SLC35F4: variants seen among roughly 807,000 people sequenced by gnomAD.
The protein encoded by SLC35F4 is solute carrier family 35 member F4, also known as chromosome 14 open reading frame 36.
In SLC35F4, 24 loss-of-function variants were observed where a neutral mutation model predicts 44.2. That is an observed-to-expected ratio of 0.54 (90% confidence interval 0.39 to 0.76). SLC35F4 has a LOEUF of 0.76. Ranked by LOEUF, SLC35F4 falls within the 30% of genes least tolerant of loss-of-function variation. The pLI, the probability that SLC35F4 is intolerant of heterozygous loss-of-function variation, is 0.00. For synonymous variants in SLC35F4, 238 were observed against 223.6 expected (o/e 1.06, Z -0.57); for missense variants, 562 against 586.1 (o/e 0.96, Z 0.42).
chr14:57,589,406 A>G lies in SLC35F4; in HGVS notation c.397T>C (p.Leu133=). The G allele has an allele frequency of 6.2e-7, 1 of 1,614,044 alleles. No individual in the cohort carries two copies. ...GATGATGATACTGACAAGATGATCA[A>G]GAGTCCCCAGATGCCCTTCAGAACC... ...SMVLKGIWGL[L]IILSVSSSWV... is the part of the protein sequence containing the mutation. Residue 133 remains leucine (L), a synonymous_variant, in exon 3 of 8, where the codon TTG becomes CTG. Transcript: ENST00000556826.
At chr14:57,723,541 A>G (rs1433998087) in intron 1 of SLC35F4, among the ~76,000 whole-genome samples, 1 of 152,202 alleles carries the variant, frequency 6.6e-6, no homozygotes, top group African/African-American at 2.4e-5. Context: ...TGGTGACTCC[A>G]ATTGCAGCTG....
intron 1 of SLC35F4, among the ~76,000 whole-genome samples, chr14:57,663,232 A>G (rs1467220415): frequency 6.6e-6 from 1 of 152,218 alleles, no homozygotes; most frequent in Non-Finnish European, 1.5e-5. Flanking sequence ...CTTGTTAGTA[A>G]CGAAGTTACA....
chr14:57,598,087 C>T (rs1055530727), intron 1 of SLC35F4, among the ~76,000 whole-genome samples: 5 of 152,126 alleles, frequency 3.3e-5, no homozygotes, highest in African/African-American at 1.2e-4. Context: ...GCCAGAGTGT[C>T]CCTAAACCTC....
intron 1 of SLC35F4, among the ~76,000 whole-genome samples, chr14:57,704,396 T>C (rs888733027): frequency 6.6e-6 from 1 of 152,202 alleles, no homozygotes; most frequent in Admixed American, 6.5e-5. Context: ...AATGGCCAGA[T>C]AGTAATTCTT....
At chr14:57,777,018 G>A (rs78543813) in intron 1 of SLC35F4, among the ~76,000 whole-genome samples, 10,317 of 152,206 alleles carry the variant, frequency 0.068, 600 homozygotes, top group East Asian at 0.18. Flanking sequence ...TCAGTGACAC[G>A]ATAAAGCAAC....
At chr14:57,949,179 G>C (rs1890089310) in intron 1 of SLC35F4, among the ~76,000 whole-genome samples, 1 of 152,094 alleles carries the variant, frequency 6.6e-6, no homozygotes, top group African/African-American at 2.4e-5. Context: ...CTTAGGTTTA[G>C]TAGTCATTGT....
chr14:57,732,010 G>T (rs1213456531), intron 1 of SLC35F4, among the ~76,000 whole-genome samples: 2 of 152,110 alleles, frequency 1.3e-5, no homozygotes, highest in African/African-American at 4.8e-5. Flanking sequence ...TGAGTTAGGA[G>T]GAAGCAATAC....
At chr14:57,904,399 TTGAGTTGATGTAA>T (rs1223350723) in intron 1 of SLC35F4, among the ~76,000 whole-genome samples, 1 of 152,240 alleles carries the variant, frequency 6.6e-6, no homozygotes, top group Non-Finnish European at 1.5e-5. Context: ...CAGATTTCTC[TTGAGTTGATGTAA>T]TGGTCAGAGC....
chr14:57,649,164 TATA>T (rs2140192080), intron 1 of SLC35F4, among the ~76,000 whole-genome samples: 1 of 152,334 alleles, frequency 6.6e-6, no homozygotes, highest in African/African-American at 2.4e-5. Context: ...TGTCCCCATT[TATA>T]ATTACTCCCT....
intron 1 of SLC35F4, among the ~76,000 whole-genome samples, chr14:57,633,371 G>T (rs942335171): frequency 2.0e-5 from 3 of 152,112 alleles, no homozygotes; most frequent in East Asian, 3.9e-4. Context: ...AATTCCTGTT[G>T]CTCCACATGC....
rs1888410847 is a variant in SLC35F4 at position 57,876,905 on chromosome 14, T to C, written n.282+105008A>G. ...ATGATTATTCCTAATGAGGAACTGG[T>C]AAATAGCAGCAAATCCTGTAGATAG... On this transcript the variant is annotated intron_variant and non_coding_transcript_variant, in intron 1 of 1. Transcript: ENST00000556568. 2.6e-5 allele frequency among the ~76,000 whole-genome samples: 4 copies of C among 152,288 alleles called. No homozygotes were observed. In the South Asian group the frequency reaches 8.3e-4, roughly 32 times the overall value.
intron 1 of SLC35F4, among the ~76,000 whole-genome samples, chr14:57,744,869 C>T (rs930721117): frequency 6.6e-6 from 1 of 152,178 alleles, no homozygotes; most frequent in Non-Finnish European, 1.5e-5. Context: ...GCCAAAACAG[C>T]ATGGTACTGG....
chr14:57,836,236 T>C (rs939203246), intron 1 of SLC35F4, among the ~76,000 whole-genome samples: 2 of 152,224 alleles, frequency 1.3e-5, no homozygotes, highest in Non-Finnish European at 2.9e-5. Context: ...CTGAACTCAC[T>C]TATTGTTCCA....
In SLC35F4 at chr14:57,897,577, G is replaced by A. The variant is rs567403340; in HGVS notation, n.282+84336C>T. 9.2e-5 allele frequency among the ~76,000 whole-genome samples: 14 copies of A among 152,018 alleles called. No individual in the cohort carries two copies. The South Asian group carries it at 2.9e-3, about 32-fold the overall frequency. ...TGTGGCTCACAGATCAGTGATGCAC[G>A]ATCCAGCAGTCCCACCTCTACTTCC... On this transcript the variant is annotated intron_variant and non_coding_transcript_variant, in intron 1 of 1. Coordinates refer to the SLC35F4 transcript ENST00000556568.
chr14:57,629,090 A>T (rs1189646633), intron 1 of SLC35F4, among the ~76,000 whole-genome samples: 1 of 152,130 alleles, frequency 6.6e-6, no homozygotes, highest in African/African-American at 2.4e-5. Flanking sequence ...CTCTTGCAGA[A>T]CATTTCTTCA....
intron 3 of SLC35F4, among the ~76,000 whole-genome samples, chr14:57,585,495 G>A (rs543326558): frequency 2.0e-4 from 30 of 152,074 alleles, no homozygotes; most frequent in Non-Finnish European, 2.6e-4. Context: ...TGGCCAGGGC[G>A]ATCAGGCAAG....
intron 1 of SLC35F4, chr14:57,595,883 T>G (rs2070459078): frequency 6.6e-6 from 1 of 152,220 alleles, no homozygotes; most frequent in Admixed American, 6.5e-5. Context: ...TTCTTTGGAA[T>G]GATGGTTGCC....
In SLC35F4 at chr14:57,964,969, T is replaced by TG. The variant is rs1371591877; in HGVS notation, n.282+16943dup. Among the ~76,000 whole-genome samples, 56 of 100,288 alleles carry TG rather than the reference T, an allele frequency of 5.6e-4. 1 individual carries two copies. The highest frequency in any genetic ancestry group is 5.2e-3 in the East Asian group (15 of 2,898). 65.8% of individuals were successfully genotyped at this position (100,288 alleles called of 152,430 possible). ...TCTTTCATAATGATTAATGCTCCCA[T>TG]GGGGGAAAAAAAAAAAAAAAAAATA... On this transcript the variant is annotated intron_variant and non_coding_transcript_variant, in intron 1 of 1. Coordinates refer to the SLC35F4 transcript ENST00000556568.
chr14:57,877,674 C>CTTTTTTTTTTTTTTTTTTTTT (rs139397949), intron 1 of SLC35F4, among the ~76,000 whole-genome samples: 1 of 52,422 alleles, frequency 1.9e-5, no homozygotes, highest in East Asian at 1.0e-3. Flanking sequence ...TATTTTTTGA[C>CTTTTTTTTTTTTTTTTTTTTT]TTTTTTTTTT....
Sources: gnomAD v4.1 joint callset for allele counts (sites outside exome capture counted in the v4.1 genomes callset) on GRCh38, gnomAD v4.1.1 for gene constraint, MANE v1.5 for transcripts, NCBI Gene and HGNC (gene_info 2026-07-23, HGNC 2026-07-21) for gene names.